CAMK1D: variants seen among roughly 807,000 people sequenced by gnomAD.
CAMK1D encodes the protein calcium/calmodulin dependent protein kinase ID.
Under a neutral mutation model 47.7 loss-of-function variants are expected in CAMK1D, and 9 were observed. The observed-to-expected ratio is 0.19, with a 90% CI of 0.11 to 0.33. The LOEUF (loss-of-function observed/expected upper bound fraction) is 0.33. Among genes scored for constraint, CAMK1D ranks in the 10% least tolerant of loss-of-function variants. CAMK1D has a pLI of 1.00. For synonymous variants in CAMK1D, 184 were observed against 184.9 expected (o/e 0.99, Z 0.04); for missense variants, 291 against 488.7 (o/e 0.60, Z 3.81).
At chr10:12,585,069 G>A (rs941105846) in intron 2 of CAMK1D, among the ~76,000 whole-genome samples, 19 of 152,214 alleles carry the variant, frequency 1.2e-4, no homozygotes, top group Admixed American at 3.9e-4. Context: ...TAGGCTGGGA[G>A]CTAATGTTCA....
chr10:12,546,689 T>C (rs971370748), intron 1 of CAMK1D, among the ~76,000 whole-genome samples: 2 of 151,808 alleles, frequency 1.3e-5, no homozygotes, highest in Non-Finnish European at 2.9e-5. Flanking sequence ...AAACCATCAT[T>C]CTCAGCAAAC....
At chr10:12,800,686 C>A (rs1838386830) in intron 6 of CAMK1D, among the ~76,000 whole-genome samples, 1 of 152,182 alleles carries the variant, frequency 6.6e-6, no homozygotes, top group Non-Finnish European at 1.5e-5. Flanking sequence ...AAAAAATACT[C>A]CTTAACAAAT....
intron 1 of CAMK1D, among the ~76,000 whole-genome samples, chr10:12,356,963 CTTG>C (rs936276998): frequency 2.6e-5 from 4 of 151,996 alleles, no homozygotes; most frequent in African/African-American, 4.8e-5. Flanking sequence ...CAAGGGTTAA[CTTG>C]TTGAGTTTTC....
Position 12,382,487 on chromosome 10 carries a change from A to C in CAMK1D, c.92+32577A>C, listed in dbSNP as rs77886655. 4.3e-3 allele frequency among the ~76,000 whole-genome samples: 655 copies of C among 152,240 alleles called. 10 individuals carry two copies. In the East Asian group the frequency reaches 0.057, roughly 13 times the overall value. On this transcript the variant is annotated intron_variant, in intron 1 of 10. Coordinates refer to ENST00000619168, the MANE Select transcript of CAMK1D (RefSeq NM_153498.4). ...ATAGTCTGTTTATTATCATACCCAG[A>C]CATAAAAATGCTAATACTGTTTAGA... is the stretch of plus-strand genomic sequence containing the variant.
chr10:12,432,120 G>A (rs79934150), intron 1 of CAMK1D, among the ~76,000 whole-genome samples: 1,857 of 152,336 alleles, frequency 0.012, 28 homozygotes, highest in African/African-American at 0.043. Flanking sequence ...ACACTGGGCC[G>A]CGTTTCTCTG....
chr10:12,389,312 C>T (rs914328409), intron 1 of CAMK1D, among the ~76,000 whole-genome samples: 6 of 152,302 alleles, frequency 3.9e-5, no homozygotes, highest in Non-Finnish European at 7.3e-5. Context: ...GGCTCATGTT[C>T]TGCCCATTGC....
chr10:12,767,805 A>G (rs926315126), intron 4 of CAMK1D, among the ~76,000 whole-genome samples: 11 of 152,242 alleles, frequency 7.2e-5, no homozygotes, highest in African/African-American at 1.7e-4. Context: ...CAGTGAAACA[A>G]TAAGGCAGAG....
At chr10:12,375,112 C>T (rs974381541) in intron 1 of CAMK1D, among the ~76,000 whole-genome samples, 3 of 152,136 alleles carry the variant, frequency 2.0e-5, no homozygotes, top group East Asian at 1.9e-4. Flanking sequence ...GTTTTGCTTT[C>T]GGGAAAATTT....
chr10:12,355,731 C>T (rs754621319), intron 1 of CAMK1D, among the ~76,000 whole-genome samples: 23 of 152,058 alleles, frequency 1.5e-4, no homozygotes, highest in Non-Finnish European at 2.9e-4. Flanking sequence ...TGTTTTGAGG[C>T]GTGATATAAA....
At chr10:12,497,019 T>C (rs112013766) in intron 1 of CAMK1D, among the ~76,000 whole-genome samples, 11,082 of 152,302 alleles carry the variant, frequency 0.073, 447 homozygotes, top group East Asian at 0.15. Context: ...GTTAGTTTGC[T>C]GAAGATAATG....
At chr10:12,603,188 A>C (rs1344638787) in intron 2 of CAMK1D, among the ~76,000 whole-genome samples, 1 of 152,024 alleles carries the variant, frequency 6.6e-6, no homozygotes, top group Non-Finnish European at 1.5e-5. Flanking sequence ...GGCATGAGCC[A>C]CCGCGCCTGG....
intron 1 of CAMK1D, among the ~76,000 whole-genome samples, chr10:12,478,199 G>A (rs1242261937): frequency 6.6e-6 from 1 of 151,680 alleles, no homozygotes; most frequent in Non-Finnish European, 1.5e-5. Context: ...TAGTAGAGAC[G>A]GGGTTTCACC....
intron 1 of CAMK1D, among the ~76,000 whole-genome samples, chr10:12,477,498 G>A (rs1833936434): frequency 6.6e-6 from 1 of 152,212 alleles, no homozygotes; most frequent in African/African-American, 2.4e-5. Flanking sequence ...GCACGATTAG[G>A]AGGCGGAGTC....
chr10:12,813,425 T>G (rs919126832), intron 6 of CAMK1D, among the ~76,000 whole-genome samples: 2 of 152,208 alleles, frequency 1.3e-5, no homozygotes, highest in African/African-American at 2.4e-5. Flanking sequence ...GGAAGGGCCC[T>G]GAAATGGATA....
intron 4 of CAMK1D, among the ~76,000 whole-genome samples, chr10:12,769,341 A>G (rs1836927173): frequency 1.3e-5 from 2 of 152,200 alleles, no homozygotes; most frequent in African/African-American, 4.8e-5. Flanking sequence ...ATTTCCTGGA[A>G]TCTCCCTTCC....
chr10:12,350,253 A>G (rs1313666810), intron 1 of CAMK1D, among the ~76,000 whole-genome samples: 1 of 152,132 alleles, frequency 6.6e-6, no homozygotes, highest in Non-Finnish European at 1.5e-5. Flanking sequence ...ATGGCTGTTT[A>G]CCGGCTGTGT....
intron 1 of CAMK1D, among the ~76,000 whole-genome samples, chr10:12,498,190 G>C (rs1319779623): frequency 6.6e-6 from 1 of 152,206 alleles, no homozygotes; most frequent in Non-Finnish European, 1.5e-5. Context: ...ATATCAGGAA[G>C]GGCGGGAGAA....
intron 1 of CAMK1D, among the ~76,000 whole-genome samples, chr10:12,409,951 A>G (rs1839598516): frequency 6.6e-6 from 1 of 152,200 alleles, no homozygotes; most frequent in African/African-American, 2.4e-5. Context: ...GGATCATGAA[A>G]TATTTGTTCT....
chr10:12,718,204 A>G (rs554795761), intron 3 of CAMK1D, among the ~76,000 whole-genome samples: 2 of 152,252 alleles, frequency 1.3e-5, no homozygotes, highest in African/African-American at 4.8e-5. Flanking sequence ...TAGTTTTGTA[A>G]TGATTGGGTT....
Sources: allele counts gnomAD v4.1 joint callset (sites outside exome capture counted in the v4.1 genomes callset), GRCh38; gene constraint gnomAD v4.1.1; transcripts MANE v1.5; gene names NCBI Gene and HGNC (gene_info 2026-07-23, HGNC 2026-07-21).